USP13: variants seen among roughly 807,000 people sequenced by gnomAD.
The protein encoded by USP13 is ubiquitin carboxyl-terminal hydrolase 13.
USP13 carries 68 observed loss-of-function variants against 107.8 expected under a neutral mutation model. The observed-to-expected ratio is 0.63, with a 90% CI of 0.52 to 0.77. The LOEUF (loss-of-function observed/expected upper bound fraction) is 0.77. USP13 is among the 30% of genes least tolerant of loss of function. USP13 has a pLI of 0.00. For missense variants in USP13, 945 were observed against 1,093.3 expected (o/e 0.86, Z 1.91); for synonymous variants, 377 against 389.5 (o/e 0.97, Z 0.38).
chr3:179,774,413 T>C (rs1441855794), intron 19 of USP13, among the ~76,000 whole-genome samples: 1 of 152,194 alleles, frequency 6.6e-6, no homozygotes, highest in Non-Finnish European at 1.5e-5. Context: ...TGTTCGGACA[T>C]GTTCAAAGTT....
chr3:179,730,845 G>T, intron 10 of USP13, 136 bp downstream of exon 10: 1 of 717,308 alleles, frequency 1.4e-6, no homozygotes, highest in Non-Finnish European at 2.3e-6. Context: ...AGTGTCTAGG[G>T]TGCCTGTCTG....
intron 20 of USP13, among the ~76,000 whole-genome samples, chr3:179,782,575 G>A (rs73056701): frequency 1.1e-4 from 16 of 152,242 alleles, no homozygotes; most frequent in African/African-American, 3.9e-4. Context: ...ACTTCTGCTT[G>A]AGGGCAGTGC....
chr3:179,753,716 A>G (rs1714688036), intron 14 of USP13, among the ~76,000 whole-genome samples: 2 of 152,164 alleles, frequency 1.3e-5, no homozygotes, highest in Admixed American at 6.5e-5. Flanking sequence ...TTGTTGTTTT[A>G]AAGTAGGATT....
intron 13 of USP13, among the ~76,000 whole-genome samples, chr3:179,745,645 A>T (rs915229633): frequency 6.6e-5 from 10 of 152,034 alleles, no homozygotes; most frequent in Non-Finnish European, 1.2e-4. Context: ...GGCAAGAATG[A>T]CATTATTCAT....
chr3:179,766,641 G>A (rs1360974615), intron 19 of USP13, among the ~76,000 whole-genome samples: 1 of 152,160 alleles, frequency 6.6e-6, no homozygotes, highest in Non-Finnish European at 1.5e-5. Context: ...ATGTCACTAT[G>A]TGCCAGGCAC....
At chr3:179,779,460 G>C (rs375210816) in intron 19 of USP13, among the ~76,000 whole-genome samples, 17 of 152,164 alleles carry the variant, frequency 1.1e-4, no homozygotes, top group Admixed American at 9.8e-4. Flanking sequence ...AAGCCAGGGG[G>C]TGGAGGTTGC....
chr3:179,719,575 C>A (rs914748707), intron 6 of USP13, among the ~76,000 whole-genome samples: 2 of 152,124 alleles, frequency 1.3e-5, no homozygotes, highest in East Asian at 3.8e-4. Context: ...TCCTCCTGTG[C>A]CCATCCCTCT....
chr3:179,721,653 C>T lies in USP13; in HGVS notation c.1088+64C>T. 6.5e-7 allele frequency: 1 copy of T among 1,545,222 alleles called. No homozygotes were observed. ...CCCTGCCCCATCTAGGTCCAGTCCA[C>T]TCAGTGTGCGCTGCGAAGCCCATCT... On this transcript the variant is annotated intron_variant, in intron 8 of 20. Transcript: ENST00000263966. The surrounding 1 kb of genome is among the most constrained non-coding windows in gnomAD (Gnocchi z 4.3).
chr3:179,730,315 T>C, intron 9 of USP13, 55 bp downstream of exon 9: 1 of 1,551,516 alleles, frequency 6.4e-7, no homozygotes. Flanking sequence ...AATAAAATGT[T>C]CATAGTGGAT....
intron 3 of USP13, among the ~76,000 whole-genome samples, chr3:179,691,038 G>A (rs1366337092): frequency 6.6e-6 from 1 of 151,836 alleles, no homozygotes; most frequent in African/African-American, 2.4e-5. Flanking sequence ...GTATAGTGGT[G>A]TGTGTCTGTA....
chr3:179,707,613 G>T (rs768692791), intron 5 of USP13, among the ~76,000 whole-genome samples: 9 of 152,064 alleles, frequency 5.9e-5, no homozygotes. Context: ...ATCACCTCCC[G>T]GACAAGCCAT....
rs71300409 is a variant in USP13, at chr3:179,784,193, CA to C, written c.*63del. ...GAAGCCATACGCCTTTTTAATTTGC[CA>C]AAAAAAAAAAGAAGAAGAAGAAGTT... is the stretch of plus-strand genomic sequence containing the variant. On this transcript the variant is annotated 3_prime_UTR_variant, in exon 21 of 21. Transcript: ENST00000263966. The C allele has an allele frequency of 0.043, 42,120 of 969,058 alleles. No individual in the cohort carries two copies. Among genetic ancestry groups the C allele is most frequent in the South Asian group, 0.073 (3,820 of 52,494 alleles). The allele number at this position is 969,058 out of a possible 1,614,324, so 60.0% of individuals were successfully genotyped here.
intron 13 of USP13, among the ~76,000 whole-genome samples, chr3:179,746,266 A>G (rs1247702949): frequency 6.8e-6 from 1 of 147,356 alleles, no homozygotes; most frequent in Non-Finnish European, 1.5e-5. Flanking sequence ...TATTATATAT[A>G]TTTTTTAGAG....
intron 4 of USP13, among the ~76,000 whole-genome samples, chr3:179,702,417 A>G (rs1712567927): frequency 6.6e-6 from 1 of 152,082 alleles, no homozygotes; most frequent in African/African-American, 2.4e-5. Context: ...TTGAGTTTAG[A>G]CATGCCTGTT....
intron 12 of USP13, among the ~76,000 whole-genome samples, chr3:179,744,400 A>G (rs1714323167): frequency 6.6e-6 from 1 of 151,136 alleles, no homozygotes; most frequent in South Asian, 2.1e-4. Context: ...ATTTTAAAAC[A>G]GCTTAAAGTT....
chr3:179,661,337 C>G (rs1370872567), intron 1 of USP13, among the ~76,000 whole-genome samples: 1 of 152,104 alleles, frequency 6.6e-6, no homozygotes, highest in South Asian at 2.1e-4. Context: ...TTTAGCTCAA[C>G]CATAGATGTC....
At chr3:179,665,325 A>G (rs1720556556) in intron 1 of USP13, among the ~76,000 whole-genome samples, 1 of 152,200 alleles carries the variant, frequency 6.6e-6, no homozygotes, top group Non-Finnish European at 1.5e-5. Context: ...CGCTTGAGCT[A>G]ACTCCAATCC....
chr3:179,748,185 G>A (rs1024056786), intron 13 of USP13, among the ~76,000 whole-genome samples: 1 of 152,148 alleles, frequency 6.6e-6, no homozygotes, highest in African/African-American at 2.4e-5. Flanking sequence ...GAAGTAATTG[G>A]CCAGTAAGTG....
At chr3:179,699,418 T>C (rs1181058237) in intron 3 of USP13, among the ~76,000 whole-genome samples, 3 of 152,200 alleles carry the variant, frequency 2.0e-5, no homozygotes, top group Non-Finnish European at 4.4e-5. Context: ...GAATCTTTTA[T>C]TAAAACATTG....
Sources: gnomAD v4.1 joint callset for allele counts (sites outside exome capture counted in the v4.1 genomes callset) on GRCh38, gnomAD v4.1.1 for gene constraint, Gnocchi (gnomAD v3.1) non-coding constraint, MANE v1.5 for transcripts, NCBI Gene and HGNC (gene_info 2026-07-23, HGNC 2026-07-21) for gene names.